TAFA2: variants seen among roughly 807,000 people sequenced by gnomAD.
TAFA2 encodes chemokine-like protein TAFA-2.
In TAFA2, 7 loss-of-function variants were observed where a neutral mutation model predicts 18.8. The ratio of observed to expected loss-of-function variants is 0.37; its 90% CI spans 0.21 to 0.70. TAFA2 has a LOEUF of 0.70. TAFA2 is among the 30% of genes least tolerant of loss of function. The pLI is 0.53. For synonymous variants in TAFA2, 60 were observed against 54.2 expected (o/e 1.11, Z -0.47); for missense variants, 122 against 158.1 (o/e 0.77, Z 1.23).
intron 2 of TAFA2, among the ~76,000 whole-genome samples, chr12:61,769,386 C>T (rs1369989316): frequency 6.6e-6 from 1 of 151,964 alleles, no homozygotes; most frequent in Admixed American, 6.6e-5. Context: ...ACTACCACAG[C>T]TGATGCTCTC....
chr12:61,944,151 C>T (rs1363036518), intron 1 of TAFA2, among the ~76,000 whole-genome samples: 1 of 140,684 alleles, frequency 7.1e-6, no homozygotes, highest in African/African-American at 2.8e-5. Context: ...TTAAGAATCT[C>T]ACTCAAAGCC....
At chr12:61,796,746 T>C (rs1871204161) in intron 2 of TAFA2, among the ~76,000 whole-genome samples, 1 of 152,196 alleles carries the variant, frequency 6.6e-6, no homozygotes, top group Non-Finnish European at 1.5e-5. Flanking sequence ...GCTATTTGTC[T>C]TTGTGCTTAA....
chr12:61,988,060 G>A (rs1022725656), intron 1 of TAFA2, among the ~76,000 whole-genome samples: 12 of 152,090 alleles, frequency 7.9e-5, no homozygotes, highest in Non-Finnish European at 1.8e-4. Flanking sequence ...CAGGAGGAAG[G>A]TTTTCCTGGC....
At chr12:61,974,700 A>G (rs1879367987) in intron 1 of TAFA2, among the ~76,000 whole-genome samples, 1 of 151,864 alleles carries the variant, frequency 6.6e-6, no homozygotes, top group East Asian at 1.9e-4. Context: ...CAGTCTCCAC[A>G]GCACATGTGA....
intron 1 of TAFA2, among the ~76,000 whole-genome samples, chr12:61,993,806 G>A (rs1156947): frequency 0.16 from 23,904 of 152,032 alleles, 2,124 homozygotes; most frequent in East Asian, 0.26. Flanking sequence ...GTTCATGTTC[G>A]TGGGATGTTT....
At chr12:62,074,993 C>T (rs1882726209) in intron 1 of TAFA2, among the ~76,000 whole-genome samples, 1 of 152,088 alleles carries the variant, frequency 6.6e-6, no homozygotes, top group Admixed American at 6.6e-5. Context: ...TGAGCCACCA[C>T]ACTTGAAGAT....
At chr12:61,833,707 C>T (rs1394856530) in intron 2 of TAFA2, among the ~76,000 whole-genome samples, 1 of 151,722 alleles carries the variant, frequency 6.6e-6, no homozygotes, top group African/African-American at 2.4e-5. Context: ...TGACTATAAT[C>T]CTCAGTAATT....
chr12:61,931,999 C>A (rs1877575709), intron 1 of TAFA2, among the ~76,000 whole-genome samples: 1 of 152,120 alleles, frequency 6.6e-6, no homozygotes, highest in South Asian at 2.1e-4. Flanking sequence ...TTGCCTCATA[C>A]CTTTTTCACC....
intron 1 of TAFA2, among the ~76,000 whole-genome samples, chr12:62,031,272 A>T (rs2136746142): frequency 1.3e-5 from 2 of 152,214 alleles, no homozygotes; most frequent in Non-Finnish European, 2.9e-5. Flanking sequence ...GTGCAGAAAG[A>T]ATATAAAGCA....
At chr12:61,786,647 G>C (rs1374260696) in intron 2 of TAFA2, among the ~76,000 whole-genome samples, 1 of 151,160 alleles carries the variant, frequency 6.6e-6, no homozygotes, top group Non-Finnish European at 1.5e-5. Flanking sequence ...AACAACCAAG[G>C]TTGAACACCT....
At chr12:62,078,134 C>T (rs992544585) in intron 1 of TAFA2, among the ~76,000 whole-genome samples, 30 of 152,186 alleles carry the variant, frequency 2.0e-4, no homozygotes, top group African/African-American at 6.5e-4. Flanking sequence ...CTCATATGTC[C>T]GGGCATATTT....
intron 1 of TAFA2, among the ~76,000 whole-genome samples, chr12:62,258,009 T>C (rs551365962): frequency 6.6e-6 from 1 of 152,240 alleles, no homozygotes; most frequent in South Asian, 2.1e-4. Flanking sequence ...AATAGAAAAA[T>C]TGAAGTTTAC....
intron 1 of TAFA2, among the ~76,000 whole-genome samples, chr12:62,044,050 C>T (rs564252265): frequency 4.7e-4 from 71 of 152,046 alleles, no homozygotes; most frequent in Non-Finnish European, 8.1e-4. Context: ...ATCTGCAAAC[C>T]TTTTTCCATC....
At chr12:61,780,725 G>A (rs1870467459) in intron 2 of TAFA2, among the ~76,000 whole-genome samples, 1 of 151,620 alleles carries the variant, frequency 6.6e-6, no homozygotes, top group African/African-American at 2.4e-5. Flanking sequence ...AAGTCCTTCA[G>A]TACTTTCTCA....
intron 1 of TAFA2, among the ~76,000 whole-genome samples, chr12:62,152,082 C>T (rs912565136): frequency 2.6e-5 from 4 of 152,240 alleles, no homozygotes; most frequent in Admixed American, 2.0e-4. Flanking sequence ...AATGCTATTG[C>T]TTTGGGAAAT....
At chr12:61,951,814 C>G (rs1213882938) in intron 1 of TAFA2, among the ~76,000 whole-genome samples, 1 of 151,768 alleles carries the variant, frequency 6.6e-6, no homozygotes, top group Non-Finnish European at 1.5e-5. Context: ...ACTGTGCACA[C>G]CTATTTTGTA....
intron 4 of TAFA2, among the ~76,000 whole-genome samples, chr12:61,734,433 G>T (rs1201251151): frequency 6.6e-6 from 1 of 150,772 alleles, no homozygotes; most frequent in Non-Finnish European, 1.5e-5. Context: ...GTTAATGGGT[G>T]CAGCACACCA....
chr12:62,147,893 T>C (rs1282297894), intron 1 of TAFA2, among the ~76,000 whole-genome samples: 1 of 152,038 alleles, frequency 6.6e-6, no homozygotes, highest in Non-Finnish European at 1.5e-5. Flanking sequence ...AATAAGAAGT[T>C]GGCAAAGGAC....
chr12:62,065,701 CTG>C (rs140275505), intron 1 of TAFA2, among the ~76,000 whole-genome samples: 16 of 150,084 alleles, frequency 1.1e-4, no homozygotes, highest in East Asian at 3.9e-4. Flanking sequence ...GATAAAAATT[CTG>C]TGTGTGTGTG....
Sources: gnomAD v4.1 joint callset for allele counts (sites outside exome capture counted in the v4.1 genomes callset) on GRCh38, gnomAD v4.1.1 for gene constraint, MANE v1.5 for transcripts, NCBI Gene and HGNC (gene_info 2026-07-23, HGNC 2026-07-21) for gene names.